ETV6: variants seen among roughly 807,000 people sequenced by gnomAD.
The protein encoded by ETV6 is ETS variant transcription factor 6, also known as transcription factor ETV6.
A neutral mutation model predicts 51.1 loss-of-function variants in ETV6; 16 were observed. That is an observed-to-expected ratio of 0.31 (90% CI 0.21 to 0.48). The LOEUF (loss-of-function observed/expected upper bound fraction) is 0.48, where lower values mean the gene tolerates loss of function less well. Among genes scored for constraint, ETV6 ranks in the 20% least tolerant of loss-of-function variants. The pLI is 0.99. For synonymous variants in ETV6, 240 were observed against 224.1 expected (o/e 1.07, Z -0.64); for missense variants, 458 against 594.8 (o/e 0.77, Z 2.39).
intron 2 of ETV6, among the ~76,000 whole-genome samples, chr12:11,829,887 A>T (rs764631578): frequency 6.6e-6 from 1 of 152,228 alleles, no homozygotes; most frequent in Non-Finnish European, 1.5e-5. Flanking sequence ...CCCTAGTGAC[A>T]GGATTTGTTT....
chr12:11,735,086 C>CT (rs58797937), intron 1 of ETV6, among the ~76,000 whole-genome samples: 40,134 of 75,984 alleles, frequency 0.53, 15,241 homozygotes, highest in Middle Eastern at 0.66. Context: ...GCAAGGTGGC[C>CT]TTTTTTTTTT....
intron 1 of ETV6, among the ~76,000 whole-genome samples, chr12:11,730,638 C>T (rs1259927232): frequency 1.3e-5 from 2 of 152,232 alleles, no homozygotes; most frequent in Non-Finnish European, 2.9e-5. Flanking sequence ...GAACCTGCGA[C>T]TTCATCCTAC....
At chr12:11,758,348 C>T (rs1418833961) in intron 2 of ETV6, among the ~76,000 whole-genome samples, 5 of 152,142 alleles carry the variant, frequency 3.3e-5, no homozygotes, top group East Asian at 1.9e-4. Flanking sequence ...TTTCTGTTTC[C>T]GGTTATGGTG....
intron 2 of ETV6, among the ~76,000 whole-genome samples, chr12:11,770,421 T>C (rs1190423326): frequency 6.6e-6 from 1 of 152,100 alleles, no homozygotes; most frequent in Non-Finnish European, 1.5e-5. Flanking sequence ...GGAAGCCAGA[T>C]AACTTTCTGT....
At chr12:11,842,058 G>A (rs1946398259) in intron 3 of ETV6, among the ~76,000 whole-genome samples, 1 of 148,902 alleles carries the variant, frequency 6.7e-6, no homozygotes, top group African/African-American at 2.5e-5. Flanking sequence ...CTCCAGCCTG[G>A]GCGACAGAGC....
chr12:11,776,172 T>C (rs137874757), intron 2 of ETV6, among the ~76,000 whole-genome samples: 1 of 152,274 alleles, frequency 6.6e-6, no homozygotes, highest in African/African-American at 2.4e-5. Flanking sequence ...ATAGAATTGA[T>C]TCTTTACACT....
chr12:11,705,599 C>A (rs1865059469), intron 1 of ETV6, among the ~76,000 whole-genome samples: 1 of 152,062 alleles, frequency 6.6e-6, no homozygotes. Flanking sequence ...ATATAATATC[C>A]CAGACCTTAG....
rs139261350 is a variant in ETV6 at position 11,853,979 on chromosome 12, A to T, written c.463+418A>T. ...GGTGAGGGATGGTTTGGGATGATTC[A>T]AGTGCATTACATTTATTCTGCACTT... On this transcript the variant is annotated intron_variant, in intron 4 of 7. Transcript: ENST00000396373. Among the ~76,000 whole-genome samples, 11 of 152,302 alleles carry T rather than the reference A, an allele frequency of 7.2e-5. 1 individual carries two copies. In the East Asian group the frequency reaches 2.1e-3, roughly 29 times the overall value.
rs1565555150 is a variant in ETV6, at chr12:11,859,118, G to GCTTTTTTTTTTTTTTTTTTTTTT, written c.463+5557_463+5558insCTTTTTTTTTTTTTTTTTTTTTT. ...TAAAGAAGATGAGGTATATGAATCT[G>GCTTTTTTTTTTTTTTTTTTTTTT]GTTTTTTTTTTTTTTTTTTTTTTTT... On this transcript the variant is annotated intron_variant, in intron 4 of 7. Coordinates refer to ENST00000396373, the MANE Select transcript of ETV6 (RefSeq NM_001987.5). 4.5e-4 allele frequency among the ~76,000 whole-genome samples: 19 copies of GCTTTTTTTTTTTTTTTTTTTTTT among 41,800 alleles called. 9 individuals carry two copies. Among genetic ancestry groups the GCTTTTTTTTTTTTTTTTTTTTTT allele is most frequent in the African/African-American group, 1.2e-3 (17 of 14,398 alleles). The allele number at this position is 41,800 out of a possible 152,430, so 27.4% of individuals were successfully genotyped here. A position where few individuals can be genotyped will look rare whatever the true frequency, so the allele number is the denominator to read the frequency against.
In ETV6 at chr12:11,886,034, T is replaced by G. The variant is rs375531380; in HGVS notation, c.1253+8T>G. 5.0e-6 allele frequency: 8 copies of G among 1,587,226 alleles called. No homozygotes were observed. Among genetic ancestry groups the G allele is most frequent in the African/African-American group, 1.3e-5 (1 of 74,250 alleles). ...ACAAAGGCTTTTGTTCAGGTAGCAC[T>G]TCCTTTTTCTCCTTTCCTTCTTTTG... On this transcript the variant is annotated splice_region_variant and intron_variant, in intron 7 of 7. Transcript: ENST00000396373.
chr12:11,781,292 C>G (rs753013188), intron 2 of ETV6, among the ~76,000 whole-genome samples: 1 of 152,152 alleles, frequency 6.6e-6, no homozygotes, highest in African/African-American at 2.4e-5. Context: ...GACAGTCCTC[C>G]CCTGCTTGTG....
intron 2 of ETV6, among the ~76,000 whole-genome samples, chr12:11,786,746 C>T (rs1467330284): frequency 6.6e-6 from 1 of 152,194 alleles, no homozygotes; most frequent in East Asian, 1.9e-4. Context: ...TCTTTGCATA[C>T]ATCCATGCCT....
At chr12:11,713,000 C>T (rs1865201469) in intron 1 of ETV6, among the ~76,000 whole-genome samples, 1 of 152,214 alleles carries the variant, frequency 6.6e-6, no homozygotes, top group Admixed American at 6.5e-5. Flanking sequence ...CCTCTGACAC[C>T]TGCCCTTCAC....
At chr12:11,731,005 C>T (rs577118474) in intron 1 of ETV6, among the ~76,000 whole-genome samples, 1 of 152,226 alleles carries the variant, frequency 6.6e-6, no homozygotes, top group South Asian at 2.1e-4. Flanking sequence ...GGCCAAGCCC[C>T]TCCAGTGTAG....
intron 1 of ETV6, among the ~76,000 whole-genome samples, chr12:11,659,016 C>T (rs542531649): frequency 2.6e-5 from 4 of 152,328 alleles, no homozygotes; most frequent in South Asian, 2.1e-4. Context: ...ATCAATTCTC[C>T]AGTCTGCTTT....
chr12:11,883,818 G>A (rs550888405), intron 5 of ETV6, among the ~76,000 whole-genome samples: 14 of 152,298 alleles, frequency 9.2e-5, no homozygotes, highest in African/African-American at 2.9e-4. Context: ...GTGATAGAAT[G>A]AGAATATCTG....
At chr12:11,766,081 G>A (rs554825974) in intron 2 of ETV6, among the ~76,000 whole-genome samples, 1 of 152,284 alleles carries the variant, frequency 6.6e-6, no homozygotes, top group African/African-American at 2.4e-5. Flanking sequence ...GAAGGTGTGG[G>A]CCAGGGTCGG....
Position 11,893,839 on chromosome 12 carries a change from T to TATATATATATATATAC in ETV6, c.*2796_*2797insTATATATATATACATA, listed in dbSNP as rs1947345446. On this transcript the variant is annotated 3_prime_UTR_variant, in exon 8 of 8. Coordinates refer to ENST00000396373, the MANE Select transcript of ETV6 (RefSeq NM_001987.5). ...ATATATATATATATATATATATATA[T>TATATATATATATATAC]ATACACACACACACACATACACAAA... 1 of 51,320 alleles carries TATATATATATATATAC rather than the reference T, an allele frequency of 1.9e-5. No homozygotes were observed. Among genetic ancestry groups the TATATATATATATATAC allele is most frequent in the Non-Finnish European group, 3.8e-5 (1 of 26,190 alleles). The allele number at this position is 51,320 out of a possible 1,614,324, so 3.2% of individuals were successfully genotyped here. A position where few individuals can be genotyped will look rare whatever the true frequency, so the allele number is the denominator to read the frequency against.
intron 4 of ETV6, among the ~76,000 whole-genome samples, chr12:11,859,981 A>G (rs1223255239): frequency 6.6e-6 from 1 of 152,142 alleles, no homozygotes; most frequent in East Asian, 1.9e-4. Context: ...ACCCTTCTAG[A>G]TCATTAACTC....
Sources: allele counts gnomAD v4.1 joint callset (sites outside exome capture counted in the v4.1 genomes callset), GRCh38; gene constraint gnomAD v4.1.1; transcripts MANE v1.5; gene names NCBI Gene and HGNC (gene_info 2026-07-23, HGNC 2026-07-21).